Variants in MLC1 observed in about 807,000 individuals in gnomAD.
MLC1 encodes the protein modulator of VRAC current 1.
In MLC1, 32 loss-of-function variants were observed where a neutral mutation model predicts 44.7. The observed-to-expected ratio is 0.72, with a 90% confidence interval of 0.54 to 0.96. The LOEUF (loss-of-function observed/expected upper bound fraction) is 0.96, where lower values mean the gene tolerates loss of function less well. Ranked by LOEUF, MLC1 falls within the 40% of genes least tolerant of loss-of-function variation. The probability of loss-of-function intolerance (pLI) is 0.00; values close to 1 mark genes in which losing one functional copy is unlikely to be tolerated. For missense variants in MLC1, 459 were observed against 492.2 expected (o/e 0.93, Z 0.64); for synonymous variants, 190 against 213.0 (o/e 0.89, Z 0.94).
At chr22:50,080,670 G>A (rs538021344) in intron 3 of MLC1, among the ~76,000 whole-genome samples, 2 of 152,156 alleles carry the variant, frequency 1.3e-5, no homozygotes, top group African/African-American at 2.4e-5. Flanking sequence ...AAAGCCCTGC[G>A]ATTACAGGCA....
chr22:50,070,424 C>T lies in MLC1; in HGVS notation c.771+103G>A, dbSNP rs2061823206. On this transcript the variant is annotated intron_variant, in intron 9 of 11. Coordinates refer to ENST00000311597, the MANE Select transcript of MLC1 (RefSeq NM_015166.4). ...GGCCCTGCAGCCCAGTCACTGCGCT[C>T]TCTTGGGCTGGAGCCTGGTCACATG... 7.7e-6 allele frequency: 9 copies of T among 1,175,992 alleles called. No homozygotes were observed. In the Admixed American group the frequency reaches 1.8e-4, roughly 23 times the overall value. 72.8% of individuals were successfully genotyped at this position (1,175,992 alleles called of 1,614,324 possible). A position where few individuals can be genotyped will look rare whatever the true frequency, so the allele number is the denominator to read the frequency against.
At chr22:50,076,116 GA>G (rs2061974398) in intron 7 of MLC1, among the ~76,000 whole-genome samples, 1 of 152,140 alleles carries the variant, frequency 6.6e-6, no homozygotes, top group Non-Finnish European at 1.5e-5. Flanking sequence ...AAAATAAGTA[GA>G]AATTTATCAG....
chr22:50,065,932 A>G (rs187593667), intron 10 of MLC1, among the ~76,000 whole-genome samples: 88 of 152,340 alleles, frequency 5.8e-4, no homozygotes, highest in South Asian at 1.2e-3. Flanking sequence ...AGTTTCCATC[A>G]CTAGGGACTG....
chr22:50,079,267 G>C (rs1056911816), intron 5 of MLC1, among the ~76,000 whole-genome samples: 9 of 151,892 alleles, frequency 5.9e-5, no homozygotes, highest in Non-Finnish European at 5.9e-5. Flanking sequence ...CTGGGCGACA[G>C]AGCGAGATTC....
intron 5 of MLC1, among the ~76,000 whole-genome samples, chr22:50,078,476 C>T (rs938525048): frequency 5.9e-5 from 9 of 151,706 alleles, no homozygotes; most frequent in South Asian, 2.1e-4. Context: ...AGGCGGCTCA[C>T]GCCTGTGATC....
chr22:50,076,127 GTAA>G (rs1464792505), intron 7 of MLC1, among the ~76,000 whole-genome samples: 1 of 152,146 alleles, frequency 6.6e-6, no homozygotes, highest in African/African-American at 2.4e-5. Flanking sequence ...AAATTTATCA[GTAA>G]TAACTCTCAG....
At chr22:50,080,226 G>A in intron 4 of MLC1, 118 bp downstream of exon 4, 1 of 1,349,114 alleles carries the variant, frequency 7.4e-7, no homozygotes, top group Non-Finnish European at 1.0e-6. Context: ...AACCTCGGGG[G>A]CCCCTCTCGG....
chr22:50,068,630 G>A, intron 9 of MLC1, 75 bp from the exon 10 acceptor site: 1 of 1,484,436 alleles, frequency 6.7e-7, no homozygotes, highest in Non-Finnish European at 9.3e-7. Context: ...GCCAGGGCTG[G>A]GGGGGCGGGC....
intron 5 of MLC1, among the ~76,000 whole-genome samples, chr22:50,078,183 G>T (rs928468756): frequency 5.3e-4 from 81 of 151,916 alleles, no homozygotes; most frequent in Non-Finnish European, 8.8e-4. Context: ...GTAGAGAGGG[G>T]TTTCTCCATG....
chr22:50,081,398 G>A (rs1255262474), intron 3 of MLC1, among the ~76,000 whole-genome samples: 1 of 152,248 alleles, frequency 6.6e-6, no homozygotes, highest in African/African-American at 2.4e-5. Flanking sequence ...AGCAAAGGAA[G>A]TAGCAAGACT....
chr22:50,085,231 C>G (rs749080863), intron 1 of MLC1, 124 bp downstream of exon 1: 1 of 1,232,192 alleles, frequency 8.1e-7, no homozygotes, highest in African/African-American at 1.5e-5. Flanking sequence ...CAACATCCAT[C>G]GGCAACTTCG....
chr22:50,064,481 G>A (rs2146775503), intron 10 of MLC1, among the ~76,000 whole-genome samples: 1 of 152,348 alleles, frequency 6.6e-6, no homozygotes, highest in South Asian at 2.1e-4. Flanking sequence ...GCTGCTAGTG[G>A]TCAAGTCGCT....
chr22:50,084,143 A>C (rs1341807400), intron 2 of MLC1, among the ~76,000 whole-genome samples: 1 of 152,102 alleles, frequency 6.6e-6, no homozygotes, highest in East Asian at 1.9e-4. Context: ...CATGGCTCTG[A>C]GCAGCTGCAC....
intron 8 of MLC1, among the ~76,000 whole-genome samples, chr22:50,073,158 C>T (rs2061899262): frequency 6.6e-6 from 1 of 152,258 alleles, no homozygotes; most frequent in Non-Finnish European, 1.5e-5. Flanking sequence ...CCCAGGCAGG[C>T]ATGGGCCTCG....
chr22:50,084,634 C>T, intron 2 of MLC1, 92 bp downstream of exon 2: 1 of 1,397,024 alleles, frequency 7.2e-7, no homozygotes, highest in Non-Finnish European at 1.0e-6. Context: ...GTTGCTCTCT[C>T]TGTCCCACCT....
intron 9 of MLC1, among the ~76,000 whole-genome samples, chr22:50,070,126 C>T (rs1398086039): frequency 2.0e-5 from 3 of 151,748 alleles, no homozygotes; most frequent in Non-Finnish European, 4.4e-5. Context: ...CACTTGAACC[C>T]GGGAGGCGGA....
intron 11 of MLC1, 47 bp from the exon 12 acceptor site, chr22:50,061,704 C>T (rs764296487): frequency 8.3e-6 from 13 of 1,562,012 alleles, no homozygotes; most frequent in East Asian, 4.5e-5. Flanking sequence ...GCCACCTGTG[C>T]GGCGGGAAGG....
intron 8 of MLC1, among the ~76,000 whole-genome samples, chr22:50,071,832 C>G (rs1228744256): frequency 6.6e-6 from 1 of 152,226 alleles, no homozygotes; most frequent in African/African-American, 2.4e-5. Context: ...CTTCATCTCC[C>G]CGAAGGTGTC....
intron 8 of MLC1, among the ~76,000 whole-genome samples, chr22:50,073,727 C>T (rs1307108051): frequency 6.6e-6 from 1 of 151,996 alleles, no homozygotes; most frequent in African/African-American, 2.4e-5. Context: ...CAGAGTGAGA[C>T]TCCATCTCAA....
Sources: gnomAD v4.1 joint callset for allele counts (sites outside exome capture counted in the v4.1 genomes callset) on GRCh38, gnomAD v4.1.1 for gene constraint, MANE v1.5 for transcripts, NCBI Gene and HGNC (gene_info 2026-07-23, HGNC 2026-07-21) for gene names.